The following EXT1 variants were observed in gnomAD, a reference collection of about 807,000 sequenced individuals.
EXT1 encodes the protein exostosin glycosyltransferase 1, also known as exostosin-1.
In EXT1, 20 loss-of-function variants were observed where a neutral mutation model predicts 82.5. The observed-to-expected ratio is 0.24, with a 90% CI of 0.17 to 0.35. EXT1 has a LOEUF of 0.35. EXT1 is among the 10% of genes least tolerant of loss of function. The probability of loss-of-function intolerance (pLI) is 1.00; values close to 1 mark genes in which losing one functional copy is unlikely to be tolerated. For synonymous variants in EXT1, 348 were observed against 350.8 expected, an observed-to-expected ratio of 0.99 and a Z score of 0.09; for missense variants, 757 against 936.5, an observed-to-expected ratio of 0.81 and a Z score of 2.50.
intron 8 of EXT1, among the ~76,000 whole-genome samples, chr8:117,811,501 T>C (rs957633507): frequency 1.4e-4 from 21 of 152,202 alleles, no homozygotes; most frequent in African/African-American, 5.1e-4. Flanking sequence ...TTCGGCTGCA[T>C]AGAAAGCATT....
intron 1 of EXT1, among the ~76,000 whole-genome samples, chr8:118,035,045 G>A (rs958049053): frequency 6.6e-6 from 1 of 152,226 alleles, no homozygotes; most frequent in African/African-American, 2.4e-5. Context: ...TAAGCACCAT[G>A]TTAAAACAGA....
rs961609655 is a variant in EXT1 at position 117,988,855 on chromosome 8, A to G, written c.962+121230T>C. On this transcript the variant is annotated intron_variant, in intron 1 of 10. Coordinates refer to ENST00000378204, the MANE Select transcript of EXT1 (RefSeq NM_000127.3). The stretch of plus-strand genomic sequence containing the variant: ...CCCAGAATTGGACAAGTGGCCACAC[A>G]GAGACAGTCTAGGGGGCTCTCCTCT... Among the ~76,000 whole-genome samples, 24 of 152,184 alleles carry G rather than the reference A, an allele frequency of 1.6e-4. 1 individual carries two copies. The highest frequency in any genetic ancestry group is 5.5e-4 in the African/African-American group (23 of 41,460).
chr8:117,933,013 A>G (rs1814090051), intron 1 of EXT1, among the ~76,000 whole-genome samples: 1 of 152,010 alleles, frequency 6.6e-6, no homozygotes, highest in Non-Finnish European at 1.5e-5. Flanking sequence ...TCCTTGAACA[A>G]AGCTCTCACC....
chr8:118,077,965 C>T (rs1437416319), intron 1 of EXT1, among the ~76,000 whole-genome samples: 3 of 152,162 alleles, frequency 2.0e-5, no homozygotes, highest in Non-Finnish European at 4.4e-5. Context: ...CTACTGGCAA[C>T]AGACTATTCT....
chr8:117,825,481 T>C (rs548717514), intron 4 of EXT1, among the ~76,000 whole-genome samples: 4 of 152,216 alleles, frequency 2.6e-5, no homozygotes, highest in African/African-American at 7.2e-5. Context: ...CACACACACA[T>C]ACACAAACAG....
intron 1 of EXT1, among the ~76,000 whole-genome samples, chr8:117,858,130 T>C (rs1409754327): frequency 2.0e-5 from 3 of 152,384 alleles, no homozygotes; most frequent in East Asian, 3.9e-4. Context: ...AATCTACTCC[T>C]GATGAAGATG....
chr8:117,846,873 GCA>G (rs1812370524), intron 1 of EXT1, among the ~76,000 whole-genome samples: 1 of 152,070 alleles, frequency 6.6e-6, no homozygotes, highest in African/African-American at 2.4e-5. Context: ...TGTGGAGGGA[GCA>G]CTTCTTCCCT....
At position 117,801,134 on chromosome 8, in the gene EXT1, G is replaced by A. The variant is rs151233683; in HGVS notation, c.2056-1237C>T. The stretch of plus-strand genomic sequence containing the variant: ...TCAGAATCATAGTGTCAACATGCTC[G>A]AAAATAACATTGAAGATAAACACAA... On this transcript the variant is annotated intron_variant, in intron 10 of 10. Transcript: ENST00000378204. Among the ~76,000 whole-genome samples, 157 of 152,320 alleles carry A rather than the reference G, an allele frequency of 1.0e-3. No individual in the cohort carries two copies. In the Middle Eastern group the frequency reaches 0.014, roughly 13 times the overall value.
intron 1 of EXT1, among the ~76,000 whole-genome samples, chr8:118,026,376 TAAC>T (rs1456444023): frequency 6.6e-6 from 1 of 152,318 alleles, no homozygotes; most frequent in African/African-American, 2.4e-5. Context: ...GATAAAAAGG[TAAC>T]AATCTCTGGG....
chr8:118,012,857 T>A (rs1206668009), intron 1 of EXT1, among the ~76,000 whole-genome samples: 2 of 152,228 alleles, frequency 1.3e-5, no homozygotes, highest in Admixed American at 6.5e-5. Context: ...GCTCTGACTG[T>A]AATCATACCC....
chr8:118,035,781 C>T (rs1170325866), intron 1 of EXT1, among the ~76,000 whole-genome samples: 4 of 152,138 alleles, frequency 2.6e-5, no homozygotes, highest in Non-Finnish European at 1.5e-5. Context: ...CATTTTTCTT[C>T]AATCTGTAAG....
At chr8:118,041,521 A>C (rs982063843) in intron 1 of EXT1, among the ~76,000 whole-genome samples, 4 of 152,194 alleles carry the variant, frequency 2.6e-5, no homozygotes, top group African/African-American at 9.7e-5. Context: ...CGAGTATTAC[A>C]GGTGAAGCCC....
Position 117,819,705 on chromosome 8 carries a change from C to T in EXT1, c.1507G>A (p.Ala503Thr). 6.2e-7 allele frequency: 1 copy of T among 1,612,716 alleles called. No individual in the cohort carries two copies. The highest frequency in any genetic ancestry group is 8.5e-7 in the Non-Finnish European group (1 of 1,180,012). ...GCACAGTACTGGGACTTGGCTGCAGCCACGAGAAGCTTCAACACTGGCTGG... is the reference window on the plus strand; with the variant it reads ...GCACAGTACTGGGACTTGGCTGCAGTCACGAGAAGCTTCAACACTGGCTGG... Reference protein sequence around the residue: ...QSQPVLKLLVAAAKSQYCAQI... With the variant: ...QSQPVLKLLVTAAKSQYCAQI... Residue 503 changes from alanine (A) to threonine (T), a missense_variant, in exon 6 of 11, where the codon GCT becomes ACT. Ala to Thr is a moderately conservative substitution (Grantham distance 58). Coordinates refer to ENST00000378204, the MANE Select transcript of EXT1 (RefSeq NM_000127.3).
chr8:117,900,503 A>G (rs1374605551), intron 1 of EXT1, among the ~76,000 whole-genome samples: 1 of 152,202 alleles, frequency 6.6e-6, no homozygotes, highest in Non-Finnish European at 1.5e-5. Context: ...GATGCCATGA[A>G]ATAAATTCAT....
chr8:117,830,373 G>A, intron 3 of EXT1, 24 bp from the exon 4 acceptor site: 1 of 1,613,002 alleles, frequency 6.2e-7, no homozygotes, highest in Non-Finnish European at 8.5e-7. Context: ...TGAACACATA[G>A]GAATTATAAC....
intron 1 of EXT1, among the ~76,000 whole-genome samples, chr8:117,991,486 CT>C (rs1435498019): frequency 6.6e-6 from 1 of 152,184 alleles, no homozygotes; most frequent in African/African-American, 2.4e-5. Flanking sequence ...TCCCATGTAT[CT>C]TTTGCTGGTT....
intron 1 of EXT1, among the ~76,000 whole-genome samples, chr8:117,850,402 A>G (rs2129827709): frequency 6.6e-6 from 1 of 152,340 alleles, no homozygotes; most frequent in East Asian, 1.9e-4. Flanking sequence ...GATAATCTTT[A>G]TGGAAAGTTA....
At chr8:117,978,667 G>C (rs2129759386) in intron 1 of EXT1, among the ~76,000 whole-genome samples, 1 of 152,324 alleles carries the variant, frequency 6.6e-6, no homozygotes, top group East Asian at 1.9e-4. Flanking sequence ...ATGTATCACA[G>C]CTGCGTGACT....
intron 1 of EXT1, among the ~76,000 whole-genome samples, chr8:118,032,128 T>C (rs1816335630): frequency 7.3e-6 from 1 of 136,648 alleles, no homozygotes; most frequent in South Asian, 2.7e-4. Flanking sequence ...CATTACTCAA[T>C]GGCCAAAACC....
Sources: allele counts gnomAD v4.1 joint callset (sites outside exome capture counted in the v4.1 genomes callset), GRCh38; gene constraint gnomAD v4.1.1; transcripts MANE v1.5; gene names NCBI Gene and HGNC (gene_info 2026-07-23, HGNC 2026-07-21).